The following HAPLN1 variants were observed in gnomAD, a reference collection of about 807,000 sequenced individuals.
HAPLN1 encodes Cartilage link protein.
Under a neutral mutation model 36.5 loss-of-function variants are expected in HAPLN1, and 13 were observed. That is an observed-to-expected ratio of 0.36 (90% CI 0.23 to 0.57). HAPLN1 has a LOEUF of 0.57. Ranked by LOEUF, HAPLN1 falls within the 20% of genes least tolerant of loss-of-function variation. The probability of loss-of-function intolerance (pLI) is 0.83; values close to 1 mark genes in which losing one functional copy is unlikely to be tolerated. For missense variants in HAPLN1, 407 were observed against 439.7 expected, an observed-to-expected ratio of 0.93 and a Z score of 0.66; for synonymous variants, 202 against 169.8, an observed-to-expected ratio of 1.19 and a Z score of -1.48.
At chr5:83,677,097 A>G (rs1302165037) in intron 1 of HAPLN1, among the ~76,000 whole-genome samples, 1 of 152,178 alleles carries the variant, frequency 6.6e-6, no homozygotes, top group Admixed American at 6.5e-5. Context: ...ATATTAGGTA[A>G]TGGGGAGATC....
intron 2 of HAPLN1, among the ~76,000 whole-genome samples, chr5:83,663,990 C>A (rs1166968229): frequency 6.6e-6 from 1 of 151,942 alleles, no homozygotes; most frequent in East Asian, 1.9e-4. Flanking sequence ...CATTATGTCA[C>A]CCTTTGCTCA....
chr5:83,674,630 T>C (rs1750818927), intron 1 of HAPLN1: 1 of 152,240 alleles, frequency 6.6e-6, no homozygotes, highest in Admixed American at 6.5e-5. Context: ...ATTTCTCTCA[T>C]GCACACAGCA....
chr5:83,682,579 C>T (rs561899722), intron 1 of HAPLN1: 14 of 152,236 alleles, frequency 9.2e-5, no homozygotes, highest in African/African-American at 3.4e-4. Context: ...AGGTATCTTC[C>T]AAGATCCTTA....
chr5:83,712,286 A>AT (rs1751808091), intron 1 of HAPLN1, among the ~76,000 whole-genome samples: 1 of 151,854 alleles, frequency 6.6e-6, no homozygotes, highest in African/African-American at 2.4e-5. Flanking sequence ...TATTATATAT[A>AT]TTTTTTTCTG....
chr5:83,690,016 C>T (rs1355246252), intron 1 of HAPLN1, among the ~76,000 whole-genome samples: 1 of 151,982 alleles, frequency 6.6e-6, no homozygotes, highest in African/African-American at 2.4e-5. Context: ...ATTATTAGTG[C>T]ACTGCTTTCT....
At chr5:83,701,959 A>ACAC (rs1561322716) in intron 1 of HAPLN1, among the ~76,000 whole-genome samples, 3 of 145,196 alleles carry the variant, frequency 2.1e-5, no homozygotes, top group African/African-American at 7.5e-5. Context: ...CACACACACA[A>ACAC]AATCTATATG....
intron 2 of HAPLN1, among the ~76,000 whole-genome samples, chr5:83,661,537 C>CG (rs1470865627): frequency 5.4e-5 from 8 of 149,414 alleles, no homozygotes; most frequent in Middle Eastern, 7.3e-3. Flanking sequence ...CTCTGCCTCC[C>CG]GGGTTCACGC....
chr5:83,664,347 C>T (rs1036482544), intron 2 of HAPLN1, among the ~76,000 whole-genome samples: 1 of 152,154 alleles, frequency 6.6e-6, no homozygotes, highest in African/African-American at 2.4e-5. Context: ...GCCCACTGCC[C>T]CCTCAGTGCT....
chr5:83,682,123 T>C (rs1217440264), intron 1 of HAPLN1, among the ~76,000 whole-genome samples: 4 of 152,202 alleles, frequency 2.6e-5, no homozygotes, highest in Non-Finnish European at 4.4e-5. Flanking sequence ...TCTTTAAAAG[T>C]TCAAAATTTC....
At chr5:83,644,937 G>A (rs570354174) in intron 3 of HAPLN1, among the ~76,000 whole-genome samples, 1 of 152,210 alleles carries the variant, frequency 6.6e-6, no homozygotes, top group East Asian at 1.9e-4. Context: ...CCTTTCTGAA[G>A]AGATCTGTCT....
At chr5:83,686,142 C>CAAAAAAA (rs535353958) in intron 1 of HAPLN1, 40 of 81,628 alleles carry the variant, frequency 4.9e-4, no homozygotes, top group East Asian at 1.2e-3. Context: ...AAAATGTAGC[C>CAAAAAAA]AAAAAAAAAA....
chr5:83,652,936 G>T, intron 2 of HAPLN1, 112 bp from the exon 3 acceptor site: 1 of 1,045,628 alleles, frequency 9.6e-7, no homozygotes, highest in Non-Finnish European at 1.3e-6. Flanking sequence ...ATAGCTTTGA[G>T]TGGTTAGCTT....
At chr5:83,648,346 C>G (rs1749936258) in intron 3 of HAPLN1, among the ~76,000 whole-genome samples, 2 of 133,462 alleles carry the variant, frequency 1.5e-5, no homozygotes, top group South Asian at 4.9e-4. Context: ...AGGCACTGTG[C>G]TTGGTACTCT....
At chr5:83,661,435 CTTTTTTTT>C (rs56005008) in intron 2 of HAPLN1, among the ~76,000 whole-genome samples, 3 of 62,976 alleles carry the variant, frequency 4.8e-5, no homozygotes, top group African/African-American at 6.7e-5. Flanking sequence ...AGAAAAGCTT[CTTTTTTTT>C]TTTTTTTTTT....
intron 2 of HAPLN1, among the ~76,000 whole-genome samples, chr5:83,658,295 T>C (rs1225540456): frequency 6.6e-6 from 1 of 152,166 alleles, no homozygotes; most frequent in Non-Finnish European, 1.5e-5. Flanking sequence ...GTGCTTACCA[T>C]GGTCTATTGC....
At chr5:83,682,284 T>G (rs1751024363) in intron 1 of HAPLN1, 1 of 152,182 alleles carries the variant, frequency 6.6e-6, no homozygotes, top group Non-Finnish European at 1.5e-5. Context: ...CCATGTGTCA[T>G]TCTAAAGTAG....
chr5:83,702,417 C>A (rs1751528419), intron 1 of HAPLN1, among the ~76,000 whole-genome samples: 1 of 152,078 alleles, frequency 6.6e-6, no homozygotes, highest in Non-Finnish European at 1.5e-5. Context: ...AGAATTTTGT[C>A]TTGTTAGCAA....
intron 1 of HAPLN1, among the ~76,000 whole-genome samples, chr5:83,705,248 G>A (rs1751612021): frequency 6.6e-6 from 1 of 151,878 alleles, no homozygotes; most frequent in African/African-American, 2.4e-5. Context: ...AAATTAGCTG[G>A]GCATGGTGGC....
intron 1 of HAPLN1, among the ~76,000 whole-genome samples, chr5:83,693,387 A>T (rs754264660): frequency 2.0e-5 from 3 of 151,930 alleles, no homozygotes; most frequent in Non-Finnish European, 4.4e-5. Flanking sequence ...GAAAATATTC[A>T]AATTATTTCA....
Sources: gnomAD v4.1 joint callset for allele counts (sites outside exome capture counted in the v4.1 genomes callset) on GRCh38, gnomAD v4.1.1 for gene constraint, MANE v1.5 for transcripts, NCBI Gene and HGNC (gene_info 2026-07-23, HGNC 2026-07-21) for gene names.